Variants in THSD7A observed in about 807,000 individuals in gnomAD.
THSD7A encodes the protein thrombospondin type-1 domain-containing protein 7A.
Under a neutral mutation model 231.3 loss-of-function variants are expected in THSD7A, and 96 were observed. The ratio of observed to expected loss-of-function variants is 0.41; its 90% CI spans 0.35 to 0.49. THSD7A has a LOEUF of 0.49. Ranked by LOEUF, THSD7A falls within the 20% of genes least tolerant of loss-of-function variation. The probability of loss-of-function intolerance (pLI) is 0.05; values close to 1 mark genes in which losing one functional copy is unlikely to be tolerated. For synonymous variants in THSD7A, 940 were observed against 743.3 expected (o/e 1.26, Z -4.30); for missense variants, 2,290 against 2,070.2 (o/e 1.11, Z -2.06).
At chr7:11,513,918 C>T (rs140718115) in intron 6 of THSD7A, among the ~76,000 whole-genome samples, 1 of 151,958 alleles carries the variant, frequency 6.6e-6, no homozygotes, top group African/African-American at 2.4e-5. Flanking sequence ...TTTCCCTACA[C>T]ACAAGCACAC....
rs983577803 is a variant in THSD7A at position 11,470,009 on chromosome 7, G to A, written c.2253-15C>T. 7.3e-6 allele frequency: 11 copies of A among 1,515,226 alleles called. No homozygotes were observed. The African/African-American group carries it at 1.4e-4, about 19-fold the overall frequency. The allele number at this position is 1,515,226 out of a possible 1,614,324, so 93.9% of individuals were successfully genotyped here. On this transcript the variant is annotated splice_polypyrimidine_tract_variant and intron_variant, in intron 8 of 27. Coordinates refer to ENST00000423059, the MANE Select transcript of THSD7A (RefSeq NM_015204.3). ...TTTCAGGACATCTAGAAAGGCAAAG[G>A]GGAATTATTAGGCTTCAATAGTAAA...
chr7:11,724,014 A>G (rs1781455736), intron 1 of THSD7A, among the ~76,000 whole-genome samples: 1 of 151,930 alleles, frequency 6.6e-6, no homozygotes, highest in South Asian at 2.1e-4. Flanking sequence ...TTAAAAGGCA[A>G]TTGCAACAAC....
At chr7:11,538,048 G>A (rs1788987569) in intron 6 of THSD7A, among the ~76,000 whole-genome samples, 1 of 152,156 alleles carries the variant, frequency 6.6e-6, no homozygotes, top group African/African-American at 2.4e-5. Context: ...GGGTAATGCT[G>A]AGTTGCAATG....
chr7:11,797,808 T>C (rs1252770519), intron 1 of THSD7A, among the ~76,000 whole-genome samples: 1 of 152,160 alleles, frequency 6.6e-6, no homozygotes, highest in Non-Finnish European at 1.5e-5. Context: ...CTGACATCAT[T>C]CTCAGCCAGA....
chr7:11,375,914 A>T, intron 27 of THSD7A, 36 bp from the exon 28 acceptor site: 1 of 1,589,486 alleles, frequency 6.3e-7, no homozygotes, highest in Non-Finnish European at 8.6e-7. Context: ...AAAGAAAATC[A>T]GTTTCTAATT....
In THSD7A at chr7:11,814,490, C is replaced by T. The variant is rs2128185188; in HGVS notation, c.190+17267G>A. ...AGAAAATTACCTCAAGAAGAATGAT[C>T]TTGAAAGCTCTGAAAACTTTCATCA... On this transcript the variant is annotated intron_variant, in intron 1 of 27. Transcript: ENST00000423059. The surrounding 1 kb of genome is among the most constrained non-coding windows in gnomAD (Gnocchi z 5.1). 6.6e-6 allele frequency among the ~76,000 whole-genome samples: 1 copy of T among 152,256 alleles called. No individual in the cohort carries two copies.
chr7:11,417,068 G>C (rs1249492234), intron 17 of THSD7A, among the ~76,000 whole-genome samples: 5 of 152,192 alleles, frequency 3.3e-5, no homozygotes, highest in African/African-American at 1.2e-4. Flanking sequence ...AAAAGCAATG[G>C]ATGAGAATAA....
intron 23 of THSD7A, among the ~76,000 whole-genome samples, chr7:11,395,368 T>C (rs1783142038): frequency 6.6e-6 from 1 of 151,554 alleles, no homozygotes; most frequent in Non-Finnish European, 1.5e-5. Flanking sequence ...CACACAATAA[T>C]AGTGGGAGAC....
intron 1 of THSD7A, among the ~76,000 whole-genome samples, chr7:11,800,586 G>A (rs959957227): frequency 6.6e-6 from 1 of 152,108 alleles, no homozygotes; most frequent in Non-Finnish European, 1.5e-5. Flanking sequence ...TAATAACATG[G>A]ATGTACATAT....
chr7:11,760,742 G>C (rs987015723), intron 1 of THSD7A, among the ~76,000 whole-genome samples: 1 of 151,804 alleles, frequency 6.6e-6, no homozygotes, highest in Non-Finnish European at 1.5e-5. Context: ...CAAACAACCA[G>C]TTTAAAACCA....
At chr7:11,829,804 A>C (rs1429769608) in intron 1 of THSD7A, among the ~76,000 whole-genome samples, 2 of 147,098 alleles carry the variant, frequency 1.4e-5, no homozygotes, top group East Asian at 4.0e-4. Flanking sequence ...CCCTTTGGTA[A>C]AAAAAAAAAA....
At chr7:11,393,709 C>G (rs1301443019) in intron 23 of THSD7A, among the ~76,000 whole-genome samples, 3 of 152,148 alleles carry the variant, frequency 2.0e-5, no homozygotes, top group Admixed American at 6.5e-5. Context: ...TCAAAAATTT[C>G]GTGAAGCATA....
chr7:11,418,169 G>C (rs1467490727), intron 16 of THSD7A, among the ~76,000 whole-genome samples: 1 of 152,158 alleles, frequency 6.6e-6, no homozygotes, highest in Non-Finnish European at 1.5e-5. Context: ...CATTTTAAAA[G>C]TAATTTTAGC....
At chr7:11,747,343 G>A (rs1398951777) in intron 1 of THSD7A, among the ~76,000 whole-genome samples, 1 of 151,884 alleles carries the variant, frequency 6.6e-6, no homozygotes, top group Non-Finnish European at 1.5e-5. Flanking sequence ...CTAAGCCTAG[G>A]TGAGTTTACT....
intron 1 of THSD7A, among the ~76,000 whole-genome samples, chr7:11,772,490 G>A (rs1304562575): frequency 6.6e-6 from 1 of 151,978 alleles, no homozygotes; most frequent in African/African-American, 2.4e-5. Context: ...CATCAACACT[G>A]GCTTGGATAA....
chr7:11,773,088 A>G (rs1176838773), intron 1 of THSD7A, among the ~76,000 whole-genome samples: 2 of 152,214 alleles, frequency 1.3e-5, no homozygotes, highest in Admixed American at 1.3e-4. Flanking sequence ...TTGGTATATA[A>G]TAAAGGCCCC....
At position 11,506,544 on chromosome 7, in the gene THSD7A, C is replaced by A. The variant is rs559957329; in HGVS notation, c.1823-24562G>T. Among the ~76,000 whole-genome samples, 12 of 152,300 alleles carry A rather than the reference C, an allele frequency of 7.9e-5. 1 individual carries two copies. The South Asian group carries it at 2.5e-3, about 32-fold the overall frequency. On this transcript the variant is annotated intron_variant, in intron 6 of 27. Transcript: ENST00000423059. Reference sequence around the variant, plus strand: ...AAAACATAGTTCAGATCACAACATTCTCTGTGGAAACCTTCCAGTGGCTTT... The same window carrying A: ...AAAACATAGTTCAGATCACAACATTATCTGTGGAAACCTTCCAGTGGCTTT...
chr7:11,519,484 T>C (rs2128315724), intron 6 of THSD7A, among the ~76,000 whole-genome samples: 1 of 152,332 alleles, frequency 6.6e-6, no homozygotes, highest in South Asian at 2.1e-4. Context: ...CTTCGCTAGG[T>C]ACTGGCACAC....
rs182289215 is a variant in THSD7A at position 11,735,567 on chromosome 7, T to C, written c.190+96190A>G. Among the ~76,000 whole-genome samples, 783 of 142,918 alleles carry C rather than the reference T, an allele frequency of 5.5e-3. 6 individuals are homozygous for C. The highest frequency in any genetic ancestry group is 0.02 in the African/African-American group (743 of 36,246). 93.8% of individuals were successfully genotyped at this position (142,918 alleles called of 152,430 possible). On this transcript the variant is annotated intron_variant, in intron 1 of 27. Coordinates refer to ENST00000423059, the MANE Select transcript of THSD7A (RefSeq NM_015204.3). ...CAAGAAATCTCATTATGTATATGTA[T>C]TTCAAAATCTGAAAAAATCTGAAAT... is the stretch of plus-strand genomic sequence containing the variant.
Sources: allele counts gnomAD v4.1 joint callset (sites outside exome capture counted in the v4.1 genomes callset), GRCh38; gene constraint gnomAD v4.1.1; non-coding constraint Gnocchi (gnomAD v3.1); transcripts MANE v1.5; gene names NCBI Gene and HGNC (gene_info 2026-07-23, HGNC 2026-07-21).